Variants in ACP2 observed in about 807,000 individuals in gnomAD.
ACP2 encodes the protein lysosomal acid phosphatase.
In ACP2, 35 loss-of-function variants were observed where a neutral mutation model predicts 54.7. That is an observed-to-expected ratio of 0.64 (90% CI 0.49 to 0.85). ACP2 has a LOEUF of 0.85. ACP2 is among the 40% of genes least tolerant of loss of function. ACP2 has a pLI of 0.00. For synonymous variants in ACP2, 210 were observed against 224.4 expected, an observed-to-expected ratio of 0.94 and a Z score of 0.57; for missense variants, 492 against 565.0, an observed-to-expected ratio of 0.87 and a Z score of 1.31.
At chr11:47,247,169 G>C (rs773235516) in intron 3 of ACP2, among the ~76,000 whole-genome samples, 2 of 152,064 alleles carry the variant, frequency 1.3e-5, no homozygotes, top group Non-Finnish European at 2.9e-5. Flanking sequence ...ACCTCATCTT[G>C]ATCAAGAAAA....
chr11:47,243,431 C>A, intron 7 of ACP2, 110 bp from the exon 8 acceptor site: 1 of 834,746 alleles, frequency 1.2e-6, no homozygotes. Context: ...ATCACCTACA[C>A]GGAGAACTCT....
chr11:47,244,042 C>T (rs369994788), intron 7 of ACP2, among the ~76,000 whole-genome samples: 2 of 151,892 alleles, frequency 1.3e-5, no homozygotes, highest in African/African-American at 4.8e-5. Context: ...GAGGCTGAGG[C>T]GGGAGAATCG....
chr11:47,245,082 A>T (rs1440321657), intron 6 of ACP2: 1 of 962,714 alleles, frequency 1.0e-6, no homozygotes, highest in Non-Finnish European at 1.6e-6. Context: ...AGCAGAAAGG[A>T]GCTCTGGGTG....
chr11:47,244,083 G>A (rs911959524), intron 7 of ACP2, among the ~76,000 whole-genome samples: 12 of 152,108 alleles, frequency 7.9e-5, no homozygotes, highest in Admixed American at 5.2e-4. Context: ...GCTGCAATGA[G>A]CCGAGATCGT....
chr11:47,243,178 G>T (rs542991252), intron 8 of ACP2, 54 bp from the exon 9 acceptor site: 4 of 1,613,078 alleles, frequency 2.5e-6, no homozygotes, highest in Non-Finnish European at 2.5e-6. Context: ...CGCAGGAACC[G>T]AACAGAGAAG....
In ACP2 at chr11:47,244,722, C is replaced by A; in HGVS notation, c.772+13G>T. On this transcript the variant is annotated intron_variant, in intron 7 of 10. Coordinates refer to ENST00000672073, the MANE Select transcript of ACP2 (RefSeq NM_001610.4). ...CCTGAGGAGTAGAGTGACACGCTGT[C>A]CTTGTCACTCACCCCCCTGAAGCCG... 6.3e-7 allele frequency: 1 copy of A among 1,592,478 alleles called. No individual in the cohort carries two copies. Among genetic ancestry groups the A allele is most frequent in the South Asian group, 1.1e-5 (1 of 88,828 alleles).
At chr11:47,243,441 T>G in intron 7 of ACP2, 120 bp from the exon 8 acceptor site, 2 of 748,890 alleles carry the variant, frequency 2.7e-6, no homozygotes, top group Non-Finnish European at 4.4e-6. Flanking sequence ...CGGAGAACTC[T>G]TTAGTGTCAT....
intron 8 of ACP2, 54 bp downstream of exon 8, chr11:47,243,185 G>A: frequency 1.2e-6 from 2 of 1,613,310 alleles, no homozygotes; most frequent in South Asian, 1.1e-5. Context: ...ACCGAACAGA[G>A]AAGAAATCCA....
At position 47,248,718 on chromosome 11, in the gene ACP2, C is replaced by G; in HGVS notation, c.72G>C (p.Val24=). ...GACTCCGGGCCCGGGTGGGCGGCAT[C>G]ACCACCAGGTTCACGCCGAGAAGGA... is the stretch of plus-strand genomic sequence containing the variant. ...LQLLLGVNLV[V]MPPTRARSLR... is the part of the protein sequence containing the mutation. Residue 24 remains valine (V), a synonymous_variant, in exon 1 of 11, where the codon GTG becomes GTC. Transcript: ENST00000672073. The G allele has an allele frequency of 6.2e-7, 1 of 1,611,936 alleles. No homozygotes were observed. The highest frequency in any genetic ancestry group is 1.3e-5 in the African/African-American group (1 of 75,042).
chr11:47,248,588 T>C, intron 1 of ACP2, 88 bp downstream of exon 1: 1 of 1,552,420 alleles, frequency 6.4e-7, no homozygotes, highest in Non-Finnish European at 8.7e-7. Flanking sequence ...CTAAACCAGC[T>C]GTTCCTTCCC....
At chr11:47,244,972 GAGGGGA>G in intron 6 of ACP2, 105 bp from the exon 7 acceptor site, 1 of 1,469,364 alleles carries the variant, frequency 6.8e-7, no homozygotes, top group Non-Finnish European at 9.0e-7. Flanking sequence ...GAGGGAGGGA[GAGGGGA>G]GAGAGGCAGA....
At chr11:47,245,265 G>A (rs1954023720) in intron 6 of ACP2, 40 bp downstream of exon 6, 2 of 1,601,022 alleles carry the variant, frequency 1.2e-6, no homozygotes, top group Middle Eastern at 1.7e-4. Flanking sequence ...CCTGCTGAGA[G>A]GGAAAAGAAT....
At position 47,239,940 on chromosome 11, in the gene ACP2, T is replaced by C; in HGVS notation, c.*176A>G. 1 of 626,692 alleles carries C rather than the reference T, an allele frequency of 1.6e-6. No individual in the cohort carries two copies. The highest frequency in any genetic ancestry group is 2.7e-6 in the Non-Finnish European group (1 of 365,026). The allele number at this position is 626,692 out of a possible 1,614,324, so 38.8% of individuals were successfully genotyped here. Reference sequence around the variant, plus strand: ...ACTTGGTAAACATCAGGCATGGGAATGCTGAGTGACAGGCACCATGGGCCA... The same window carrying C: ...ACTTGGTAAACATCAGGCATGGGAACGCTGAGTGACAGGCACCATGGGCCA... On this transcript the variant is annotated 3_prime_UTR_variant, in exon 11 of 11. Coordinates refer to ENST00000672073, the MANE Select transcript of ACP2 (RefSeq NM_001610.4).
At position 47,245,805 on chromosome 11, in the gene ACP2, C is replaced by T; in HGVS notation, c.327G>A (p.Arg109=). 6.3e-7 allele frequency: 1 copy of T among 1,594,190 alleles called. No homozygotes were observed. The highest frequency in any genetic ancestry group is 8.5e-7 in the Non-Finnish European group (1 of 1,169,796). Residue 109 remains arginine, a synonymous_variant, in exon 4 of 11, where the codon CGG becomes CGA. Coordinates refer to ENST00000672073, the MANE Select transcript of ACP2 (RefSeq NM_001610.4). The part of the protein sequence containing the change: ...EVYVRSTDFD[R]TLMSAEANLA... Reference sequence around the variant, plus strand: ...GGTTGGCCTCAGCACTCATGAGAGTCCGGTCAAAGTCTGTGCTTCGCACAT... The same window carrying T: ...GGTTGGCCTCAGCACTCATGAGAGTTCGGTCAAAGTCTGTGCTTCGCACAT...
In ACP2 at chr11:47,248,094, G is replaced by A. The variant is rs1298948856; in HGVS notation, c.154C>T (p.Pro52Ser). ...HGDRSPVKTY[P>S]KDPYQEEEWP... Reference sequence around the variant, plus strand: ...TCTTCTTCCTGATAGGGGTCCTTGGGATATGTCTTCACTGGTGAACGGTCT... The same window carrying A: ...TCTTCTTCCTGATAGGGGTCCTTGGAATATGTCTTCACTGGTGAACGGTCT... The change falls in exon 2 of 11, where the codon CCC becomes TCC. Residue 52 changes from proline (P) to serine (S), a missense_variant. Pro to Ser is a moderately conservative substitution (Grantham distance 74). Coordinates refer to ENST00000672073, the MANE Select transcript of ACP2 (RefSeq NM_001610.4). 1.1e-5 allele frequency: 17 copies of A among 1,611,876 alleles called. No individual in the cohort carries two copies. The highest frequency in any genetic ancestry group is 1.4e-5 in the Non-Finnish European group (16 of 1,179,406).
At position 47,247,729 on chromosome 11, in the gene ACP2, T is replaced by G. The variant is rs1260163312; in HGVS notation, c.211-2A>C. On this transcript the variant is annotated splice_acceptor_variant, in intron 2 of 10. Transcript: ENST00000672073. LOFTEE classifies it high-confidence loss of function. ...TTCCCAGTGCTGTAGCATCCCCTCC[T>G]GTGGGCAAACCCAAGGGTTAAGAGG... The G allele has an allele frequency of 1.2e-6, 2 of 1,613,256 alleles. No individual in the cohort carries two copies. The highest frequency in any genetic ancestry group is 1.7e-5 in the Admixed American group (1 of 59,994).
At chr11:47,244,469 C>G (rs966526190) in intron 7 of ACP2, among the ~76,000 whole-genome samples, 2 of 151,950 alleles carry the variant, frequency 1.3e-5, no homozygotes, top group Non-Finnish European at 2.9e-5. Flanking sequence ...GAGCCAAGAT[C>G]GAGCCATTGC....
intron 10 of ACP2, among the ~76,000 whole-genome samples, chr11:47,240,586 G>A (rs1489269298): frequency 1.3e-5 from 2 of 152,294 alleles, no homozygotes; most frequent in East Asian, 1.9e-4. Context: ...TTGGGAGGCC[G>A]AGGTGGGTGG....
At position 47,247,939 on chromosome 11, in the gene ACP2, T is replaced by A. The variant is rs1954260868; in HGVS notation, c.210+99A>T. Reference sequence around the variant, plus strand: ...AATCTGGTCAAAGTCAGCACCCATATGGGAAAAGGCAGTTTAGTAGGACCC... The same window carrying A: ...AATCTGGTCAAAGTCAGCACCCATAAGGGAAAAGGCAGTTTAGTAGGACCC... On this transcript the variant is annotated intron_variant, in intron 2 of 10. Transcript: ENST00000672073. 2.7e-6 allele frequency: 3 copies of A among 1,108,324 alleles called. No homozygotes were observed. In the Admixed American group the frequency reaches 7.4e-5, roughly 27 times the overall value. 68.7% of individuals were successfully genotyped at this position (1,108,324 alleles called of 1,614,324 possible). A position where few individuals can be genotyped will look rare whatever the true frequency, so the allele number is the denominator to read the frequency against.
Sources: allele counts gnomAD v4.1 joint callset (sites outside exome capture counted in the v4.1 genomes callset), GRCh38; gene constraint gnomAD v4.1.1; transcripts MANE v1.5; gene names NCBI Gene and HGNC (gene_info 2026-07-23, HGNC 2026-07-21).